Variants in CCDC83 observed in about 807,000 individuals in gnomAD.
The protein encoded by CCDC83 is coiled-coil domain containing 83.
Under a neutral mutation model 50.1 loss-of-function variants are expected in CCDC83, and 54 were observed. The ratio of observed to expected loss-of-function variants is 1.08; its 90% CI spans 0.87 to 1.35. The LOEUF is 1.35. CCDC83 is among the 40% of genes most tolerant of loss of function. CCDC83 has a pLI of 0.00. For synonymous variants in CCDC83, 161 were observed against 153.3 expected (o/e 1.05, Z -0.37); for missense variants, 518 against 473.9 (o/e 1.09, Z -0.86).
intron 2 of CCDC83, among the ~76,000 whole-genome samples, chr11:85,869,459 A>G (rs2093225298): frequency 6.6e-6 from 1 of 152,236 alleles, no homozygotes; most frequent in Admixed American, 6.5e-5. Flanking sequence ...AAAAAACACA[A>G]AAATATAGTT....
chr11:85,873,278 CA>C lies in CCDC83; in HGVS notation c.168del (p.Lys56AsnfsTer9). The C allele has an allele frequency of 7.4e-6, 11 of 1,479,846 alleles. No homozygotes were observed. The highest frequency in any genetic ancestry group is 1.4e-5 in the African/African-American group (1 of 70,810). The allele number at this position is 1,479,846 out of a possible 1,614,324, so 91.7% of individuals were successfully genotyped here. On this transcript the variant is annotated frameshift_variant, in exon 3 of 11. Coordinates refer to ENST00000342404, the MANE Select transcript of CCDC83 (RefSeq NM_001286159.2). LOFTEE classifies it high-confidence loss of function. ...FQIKTLRKKN[Q>X]KYHERNSRLK... ...AATAAAGACACTTAGGAAAAAGAACCAAAAATATCATGAAAGAGTGAGTATA... is the reference window on the plus strand; with the variant it reads ...AATAAAGACACTTAGGAAAAAGAACCAAAATATCATGAAAGAGTGAGTATA...
chr11:85,893,530 A>AC (rs1238934656), intron 5 of CCDC83, among the ~76,000 whole-genome samples: 1 of 152,136 alleles, frequency 6.6e-6, no homozygotes, highest in Non-Finnish European at 1.5e-5. Context: ...GGGTTCCCCA[A>AC]CCCCCAAGGC....
intron 4 of CCDC83, among the ~76,000 whole-genome samples, chr11:85,882,900 T>C (rs1444880904): frequency 6.6e-6 from 1 of 152,042 alleles, no homozygotes; most frequent in Non-Finnish European, 1.5e-5. Context: ...AGGGTAGTGA[T>C]CAGAAACAGA....
intron 3 of CCDC83, among the ~76,000 whole-genome samples, chr11:85,877,138 G>T (rs552079796): frequency 6.6e-6 from 1 of 152,244 alleles, no homozygotes; most frequent in East Asian, 1.9e-4. Flanking sequence ...TAATATAGAT[G>T]ATATTAAATT....
At chr11:85,873,526 A>G (rs1427684687) in intron 3 of CCDC83, among the ~76,000 whole-genome samples, 1 of 152,230 alleles carries the variant, frequency 6.6e-6, no homozygotes, top group Non-Finnish European at 1.5e-5. Flanking sequence ...TATGTTATTT[A>G]GACCCTGAAG....
intron 5 of CCDC83, among the ~76,000 whole-genome samples, chr11:85,889,016 T>C (rs2093339519): frequency 6.6e-6 from 1 of 152,244 alleles, no homozygotes; most frequent in African/African-American, 2.4e-5. Flanking sequence ...GTAGGAAAAG[T>C]GATCTTCTCA....
chr11:85,866,948 GGT>G (rs1210947595), intron 2 of CCDC83, among the ~76,000 whole-genome samples: 2 of 152,164 alleles, frequency 1.3e-5, no homozygotes, highest in Non-Finnish European at 2.9e-5. Context: ...AGCAGATGCT[GGT>G]GATTTAGGCA....
rs1378652828 is a variant in CCDC83, at chr11:85,898,997, T to C, written c.654T>C (p.Asn218=). Residue 218 remains asparagine, a synonymous_variant, in exon 7 of 11, where the codon AAT becomes AAC. Coordinates refer to ENST00000342404, the MANE Select transcript of CCDC83 (RefSeq NM_001286159.2). ...GCAGTTATCTAGAGATCTGGGAGAA[T>C]GACTGGCTCAAAAAAGAGGTAAGTG... ...DKGSYLEIWE[N]DWLKKEVAIH... The C allele has an allele frequency of 1.2e-6, 2 of 1,610,496 alleles. No homozygotes were observed. The highest frequency in any genetic ancestry group is 4.5e-5 in the East Asian group (2 of 44,822).
intron 5 of CCDC83, among the ~76,000 whole-genome samples, chr11:85,893,003 C>A (rs1057200560): frequency 2.0e-5 from 3 of 152,132 alleles, no homozygotes; most frequent in African/African-American, 7.2e-5. Flanking sequence ...GAGGCAGAAA[C>A]TGCCCTCTCC....
chr11:85,888,610 T>C (rs1348554921), intron 5 of CCDC83, among the ~76,000 whole-genome samples: 1 of 152,222 alleles, frequency 6.6e-6, no homozygotes, highest in African/African-American at 2.4e-5. Context: ...AATGATGTGC[T>C]TTTAAAGTGC....
intron 5 of CCDC83, among the ~76,000 whole-genome samples, chr11:85,891,685 T>C (rs1592166995): frequency 6.6e-6 from 1 of 152,248 alleles, no homozygotes; most frequent in Non-Finnish European, 1.5e-5. Context: ...TTTTCTTGCC[T>C]ATAAAATCAG....
At chr11:85,888,723 G>C (rs538230064) in intron 5 of CCDC83, among the ~76,000 whole-genome samples, 100 of 152,086 alleles carry the variant, frequency 6.6e-4, no homozygotes, top group African/African-American at 2.2e-3. Context: ...TTAAGTCTTT[G>C]TTTTTGTGTG....
chr11:85,863,168 T>C (rs2093187355), intron 1 of CCDC83, among the ~76,000 whole-genome samples: 1 of 152,232 alleles, frequency 6.6e-6, no homozygotes, highest in Non-Finnish European at 1.5e-5. Flanking sequence ...GTTTTAACTT[T>C]TAAATATTTT....
chr11:85,861,512 C>T (rs563879468), intron 1 of CCDC83, among the ~76,000 whole-genome samples: 1 of 152,320 alleles, frequency 6.6e-6, no homozygotes, highest in Admixed American at 6.5e-5. Context: ...TTCTGAACTT[C>T]TGTCATTGCT....
At chr11:85,885,972 C>G (rs1007634123) in intron 4 of CCDC83, among the ~76,000 whole-genome samples, 1 of 152,164 alleles carries the variant, frequency 6.6e-6, no homozygotes, top group East Asian at 1.9e-4. Flanking sequence ...AACCCTCAAA[C>G]CACACATCTA....
chr11:85,895,514 C>A, intron 6 of CCDC83, 130 bp downstream of exon 6: 4 of 569,178 alleles, frequency 7.0e-6, no homozygotes, highest in South Asian at 2.4e-5. Context: ...GTAATAATGG[C>A]TGTAACATAA....
chr11:85,887,862 G>A (rs915150088), intron 5 of CCDC83, among the ~76,000 whole-genome samples: 4 of 131,554 alleles, frequency 3.0e-5, no homozygotes, highest in African/African-American at 1.2e-4. Flanking sequence ...AAGTGCAATT[G>A]CATGAACACA....
At position 85,909,028 on chromosome 11, in the gene CCDC83, G is replaced by A. The variant is rs146504860; in HGVS notation, c.673-2253G>A. On this transcript the variant is annotated intron_variant, in intron 7 of 10. Transcript: ENST00000342404. ...AGCTCACTGTAACATTGAACTTCTGGGCTCAAGCAATCCTCCCGCCTCAGT... is the reference window on the plus strand; with the variant it reads ...AGCTCACTGTAACATTGAACTTCTGAGCTCAAGCAATCCTCCCGCCTCAGT... Among the ~76,000 whole-genome samples, 442 of 152,232 alleles carry A rather than the reference G, an allele frequency of 2.9e-3. 2 individuals are homozygous for A. Among genetic ancestry groups the A allele is most frequent in the African/African-American group, 9.1e-3 (379 of 41,532 alleles).
intron 5 of CCDC83, among the ~76,000 whole-genome samples, chr11:85,889,978 G>A (rs537119300): frequency 6.6e-6 from 1 of 152,218 alleles, no homozygotes; most frequent in African/African-American, 2.4e-5. Flanking sequence ...AGAAGTTAGA[G>A]AGGCCAGGAA....
Sources: allele counts gnomAD v4.1 joint callset (sites outside exome capture counted in the v4.1 genomes callset), GRCh38; gene constraint gnomAD v4.1.1; transcripts MANE v1.5; gene names NCBI Gene and HGNC (gene_info 2026-07-23, HGNC 2026-07-21).